RNASEH1: variants seen among roughly 807,000 people sequenced by gnomAD.
The protein encoded by RNASEH1 is ribonuclease H type II.
In RNASEH1, 27 loss-of-function variants were observed where a neutral mutation model predicts 34.6. The ratio of observed to expected loss-of-function variants is 0.78; its 90% CI spans 0.58 to 1.08. The LOEUF is 1.08. Among genes scored for constraint, RNASEH1 ranks in the 50% least tolerant of loss-of-function variants. The probability of loss-of-function intolerance (pLI) is 0.00; values close to 1 mark genes in which losing one functional copy is unlikely to be tolerated. For missense variants in RNASEH1, 349 were observed against 373.6 expected (o/e 0.93, Z 0.54); for synonymous variants, 162 against 138.4 (o/e 1.17, Z -1.20).
At chr2:3,541,323 C>T (rs1463014892), downstream of RNASEH1, among the ~76,000 whole-genome samples, 1 of 147,468 alleles carries the variant, frequency 6.8e-6, no homozygotes, top group Non-Finnish European at 1.5e-5. Flanking sequence ...AGTGAGGCTC[C>T]ATCTCCAAAA....
chr2:3,532,854 C>T, the RNASEH1 span, among the ~76,000 whole-genome samples: 1,395 of 152,282 alleles, frequency 9.2e-3, 24 homozygotes, highest in African/African-American at 0.032. Context: ...ATTTTCTAGC[C>T]GTACCCTGAC....
chr2:3,550,143 A>T lies in RNASEH1; in HGVS notation c.509+230T>A, dbSNP rs533693264. 9.7e-3 allele frequency: 596 copies of T among 61,334 alleles called. 3 individuals carry two copies. The highest frequency in any genetic ancestry group is 0.076 in the African/African-American group (535 of 7,066). 3.8% of individuals were successfully genotyped at this position (61,334 alleles called of 1,614,324 possible). A position where few individuals can be genotyped will look rare whatever the true frequency, so the allele number is the denominator to read the frequency against. ...GGGCAACAGTGTGAGACCGTGTCTT[A>T]AAAAAAAAAAAAAAAAAAAAAAAAG... On this transcript the variant is annotated intron_variant, in intron 4 of 7. Transcript: ENST00000315212.
chr2:3,556,775 T>A lies in RNASEH1; in HGVS notation c.244+14A>T, dbSNP rs754935411. 1.4e-5 allele frequency: 22 copies of A among 1,557,828 alleles called. No homozygotes were observed. Among genetic ancestry groups the A allele is most frequent in the Middle Eastern group, 1.7e-4 (1 of 5,960 alleles). On this transcript the variant is annotated intron_variant, in intron 2 of 7. Transcript: ENST00000315212. ...AATAGGTTAAAATGTCACACTGATA[T>A]GAGAGGTGACTACCTTCTGAAACTT...
the RNASEH1 span, among the ~76,000 whole-genome samples, chr2:3,532,724 G>C: frequency 1.3e-5 from 2 of 152,216 alleles, no homozygotes; most frequent in East Asian, 3.8e-4. Context: ...ATCATTGACA[G>C]AAATGTTGCT....
chr2:3,549,202 TTC>T, intron 4 of RNASEH1, 90 bp from the exon 5 acceptor site: 2 of 973,160 alleles, frequency 2.1e-6, no homozygotes, highest in Middle Eastern at 4.2e-4. Context: ...CTAGTGTGTA[TTC>T]TTATTTGAAA....
chr2:3,557,896 T>C (rs1327372594), intron 1 of RNASEH1: 2 of 1,507,096 alleles, frequency 1.3e-6, no homozygotes, highest in East Asian at 2.6e-5. Flanking sequence ...ACCCCTAACC[T>C]TTACGCGACG....
downstream of RNASEH1, among the ~76,000 whole-genome samples, chr2:3,538,950 C>T (rs1413613303): frequency 6.6e-6 from 1 of 152,126 alleles, no homozygotes; most frequent in Non-Finnish European, 1.5e-5. Flanking sequence ...TGCATTCTCT[C>T]GTGAGTAAAG....
Position 3,541,465 on chromosome 2 carries a change from A to G in RNASEH1, c.*4320T>C, listed in dbSNP as rs1281635060. Among the ~76,000 whole-genome samples the G allele has an allele frequency of 6.6e-6, 1 of 152,178 alleles. No homozygotes were observed. The highest frequency in any genetic ancestry group is 1.9e-4 in the East Asian group (1 of 5,202). On this transcript the variant is annotated 3_prime_UTR_variant, in exon 8 of 8. Transcript: ENST00000315212. ...CGGCAGCTTTATTTGCTTTATTTTT[A>G]TTTAGAAATTGGAAATAATCGAAAT...
At chr2:3,537,096 A>T (rs1378713584), downstream of RNASEH1, among the ~76,000 whole-genome samples, 1 of 152,206 alleles carries the variant, frequency 6.6e-6, no homozygotes, top group Non-Finnish European at 1.5e-5. Flanking sequence ...TCAGTTCCTA[A>T]ATGTGATCCC....
Position 3,545,138 on chromosome 2 carries a change from T to A in RNASEH1, c.*647A>T, listed in dbSNP as rs1027126456. ...GTTTTTAACGAAAGAGCCAAATAAA[T>A]TTTTGAAAGTTTATTTATGCTTCTT... On this transcript the variant is annotated 3_prime_UTR_variant, in exon 8 of 8. Transcript: ENST00000315212. The A allele has an allele frequency of 6.6e-6, 1 of 151,176 alleles. No homozygotes were observed. Among genetic ancestry groups the A allele is most frequent in the South Asian group, 2.1e-4 (1 of 4,798 alleles). 9.4% of individuals were successfully genotyped at this position (151,176 alleles called of 1,614,324 possible).
intron 3 of RNASEH1, among the ~76,000 whole-genome samples, chr2:3,551,226 C>A (rs542001536): frequency 6.6e-6 from 1 of 152,266 alleles, no homozygotes; most frequent in African/African-American, 2.4e-5. Flanking sequence ...GTGCTCCTCA[C>A]AGGAGCGGGG....
chr2:3,541,445 G>A lies in RNASEH1; in HGVS notation c.*4340C>T, dbSNP rs975907782. On this transcript the variant is annotated 3_prime_UTR_variant, in exon 8 of 8. Coordinates refer to ENST00000315212, the MANE Select transcript of RNASEH1 (RefSeq NM_002936.6). Reference sequence around the variant, plus strand: ...GACGAGGATATAAATGTTCACGGCAGCTTTATTTGCTTTATTTTTATTTAG... The same window carrying A: ...GACGAGGATATAAATGTTCACGGCAACTTTATTTGCTTTATTTTTATTTAG... Among the ~76,000 whole-genome samples, 6 of 152,212 alleles carry A rather than the reference G, an allele frequency of 3.9e-5. No individual in the cohort carries two copies. The East Asian group carries it at 1.2e-3, about 29-fold the overall frequency.
chr2:3,555,433 G>A (rs962173098), intron 2 of RNASEH1, among the ~76,000 whole-genome samples: 3 of 152,174 alleles, frequency 2.0e-5, no homozygotes, highest in African/African-American at 7.2e-5. Context: ...TCCTTTAAAA[G>A]CTATTGAAGA....
At chr2:3,532,341 C>T in the RNASEH1 span, 13 of 702,176 alleles carry the variant, frequency 1.9e-5, no homozygotes, top group South Asian at 3.0e-5. Context: ...GGGTACAAAG[C>T]GAGTGGTTCA....
chr2:3,533,045 G>A, the RNASEH1 span: 3 of 152,206 alleles, frequency 2.0e-5, no homozygotes, highest in East Asian at 1.9e-4. Context: ...TGTCACCCGG[G>A]CCTTTTCTCC....
chr2:3,538,183 T>G (rs1205884175), downstream of RNASEH1, among the ~76,000 whole-genome samples: 2 of 151,416 alleles, frequency 1.3e-5, no homozygotes, highest in African/African-American at 2.4e-5. Context: ...ACCCTGCCTC[T>G]ACTAAAAATA....
At chr2:3,557,880 T>G in intron 1 of RNASEH1, 1 of 1,490,402 alleles carries the variant, frequency 6.7e-7, no homozygotes, top group East Asian at 2.8e-5. Flanking sequence ...CAGGGTTTAT[T>G]AGGCCACCCC....
At position 3,552,232 on chromosome 2, in the gene RNASEH1, T is replaced by A. The variant is rs773705606; in HGVS notation, c.321A>T (p.Gly107=). Reference sequence around the variant, plus strand: ...TTGCATACGGCTCTGCGCTTTCATGTCCATCTCCATCCAGTGGCTCACGGA... The same window carrying A: ...TTGCATACGGCTCTGCGCTTTCATGACCATCTCCATCCAGTGGCTCACGGA... The part of the protein sequence containing the change: ...KRLREPLDGD[G]HESAEPYAKH... The change falls in exon 3 of 8, where the codon GGA becomes GGT. Residue 107 remains glycine, a synonymous_variant. Transcript: ENST00000315212. 3 of 1,613,738 alleles carry A rather than the reference T, an allele frequency of 1.9e-6. No individual in the cohort carries two copies.
chr2:3,541,974 G>C lies in RNASEH1; in HGVS notation c.*3811C>G, dbSNP rs1668343316. 6.6e-6 allele frequency among the ~76,000 whole-genome samples: 1 copy of C among 152,180 alleles called. No homozygotes were observed. Among genetic ancestry groups the C allele is most frequent in the African/African-American group, 2.4e-5 (1 of 41,444 alleles). Reference sequence around the variant, plus strand: ...TTAAGACCAGCCTGGGCAACACAGTGAGACACTGTTCCTATTTTAAATAAC... The same window carrying C: ...TTAAGACCAGCCTGGGCAACACAGTCAGACACTGTTCCTATTTTAAATAAC... On this transcript the variant is annotated 3_prime_UTR_variant, in exon 8 of 8. Coordinates refer to ENST00000315212, the MANE Select transcript of RNASEH1 (RefSeq NM_002936.6).
Sources: allele counts gnomAD v4.1 joint callset (sites outside exome capture counted in the v4.1 genomes callset), GRCh38; gene constraint gnomAD v4.1.1; transcripts MANE v1.5; gene names NCBI Gene and HGNC (gene_info 2026-07-23, HGNC 2026-07-21).